Variants in LCOR observed in about 807,000 individuals in gnomAD.
LCOR encodes the protein ligand dependent nuclear receptor corepressor.
LCOR carries 14 observed loss-of-function variants against 64.4 expected under a neutral mutation model. The observed-to-expected ratio is 0.22, with a 90% CI of 0.14 to 0.34. LCOR has a LOEUF of 0.34. LCOR is among the 10% of genes least tolerant of loss of function. The probability of loss-of-function intolerance (pLI) is 1.00; values close to 1 mark genes in which losing one functional copy is unlikely to be tolerated. For synonymous variants in LCOR, 643 were observed against 642.5 expected, an observed-to-expected ratio of 1.00 and a Z score of -0.01; for missense variants, 1,686 against 1,765.3, an observed-to-expected ratio of 0.96 and a Z score of 0.80.
chr10:96,917,979 A>G (rs1372792040), intron 4 of LCOR, among the ~76,000 whole-genome samples: 1 of 152,176 alleles, frequency 6.6e-6, no homozygotes, highest in Admixed American at 6.5e-5. Flanking sequence ...GAGAGTGAAC[A>G]TTTAATTGGA....
chr10:96,976,007 C>T (rs1338046164), intron 7 of LCOR, among the ~76,000 whole-genome samples: 2 of 152,092 alleles, frequency 1.3e-5, no homozygotes, highest in African/African-American at 2.4e-5. Flanking sequence ...AACAGCGAAA[C>T]ACACAAGACC....
Position 96,877,996 on chromosome 10 carries a change from A to G in LCOR, c.-329-29269A>G, listed in dbSNP as rs189997021. 3.9e-4 allele frequency among the ~76,000 whole-genome samples: 59 copies of G among 152,328 alleles called. 1 individual carries two copies. In the East Asian group the frequency reaches 9.6e-3, roughly 25 times the overall value. On this transcript the variant is annotated intron_variant, in intron 2 of 7. Coordinates refer to ENST00000421806, the MANE Select transcript of LCOR (RefSeq NM_001346516.2). The stretch of plus-strand genomic sequence containing the variant: ...AAGGTAATCAAATAGTTAACAGTGG[A>G]AAGCTTTTCATTGAATAATTTAGTT...
chr10:96,868,395 T>C (rs1197779260), intron 2 of LCOR, among the ~76,000 whole-genome samples: 2 of 150,918 alleles, frequency 1.3e-5, no homozygotes, highest in African/African-American at 2.4e-5. Flanking sequence ...CTGCCTCAGC[T>C]TCCCGAGTAG....
chr10:96,956,789 C>A, intron 7 of LCOR: 12 of 985,776 alleles, frequency 1.2e-5, no homozygotes, highest in Non-Finnish European at 1.4e-5. Context: ...ATGGAGGATG[C>A]CTCATTTTAG....
chr10:96,872,405 G>A (rs1846086767), intron 2 of LCOR, among the ~76,000 whole-genome samples: 1 of 152,218 alleles, frequency 6.6e-6, no homozygotes, highest in Admixed American at 6.5e-5. Context: ...TACAAATAAA[G>A]GAGGAGGCTG....
rs186072556 is a variant in LCOR, at chr10:96,980,714, G to A, written c.333-79G>A. The stretch of plus-strand genomic sequence containing the variant: ...ATAAATAAATAATAAAATGAATAAC[G>A]TTGGGTGAATTTTATAATGTAAAAA... On this transcript the variant is annotated intron_variant, in intron 7 of 7. Transcript: ENST00000421806. The A allele has an allele frequency of 4.8e-5, 29 of 603,964 alleles. 1 individual carries two copies. The highest frequency in any genetic ancestry group is 4.1e-4 in the South Asian group (20 of 48,456). The allele number at this position is 603,964 out of a possible 1,614,324, so 37.4% of individuals were successfully genotyped here.
At chr10:96,957,565 A>T (rs564044660) in intron 7 of LCOR, 42 of 985,310 alleles carry the variant, frequency 4.3e-5, no homozygotes, top group Middle Eastern at 1.0e-3. Flanking sequence ...AACAAACATT[A>T]TTGGAGTTTC....
chr10:96,886,744 C>A (rs1421412076), intron 2 of LCOR, among the ~76,000 whole-genome samples: 2 of 152,186 alleles, frequency 1.3e-5, no homozygotes, highest in Non-Finnish European at 2.9e-5. Context: ...AACTCTACAT[C>A]TTTTCCTGAG....
At chr10:96,860,502 A>T (rs1589611535) in intron 2 of LCOR, among the ~76,000 whole-genome samples, 1 of 152,204 alleles carries the variant, frequency 6.6e-6, no homozygotes, top group East Asian at 1.9e-4. Context: ...TGGAGGGAGC[A>T]TGGCCATGCC....
chr10:96,981,534 G>T lies in LCOR; in HGVS notation c.1074G>T (p.Gly358=). Residue 358 remains glycine (G), a synonymous_variant, in exon 8 of 8, where the codon GGG becomes GGT. Transcript: ENST00000421806. Reference sequence around the variant, plus strand: ...AGGCTTGGAACTCAGGGTTTATGGGGAACTCATCTAGAACTGCTGACAAAG... The same window carrying T: ...AGGCTTGGAACTCAGGGTTTATGGGTAACTCATCTAGAACTGCTGACAAAG... ...SEEAWNSGFM[G]NSSRTADKEN... 1 of 1,614,178 alleles carries T rather than the reference G, an allele frequency of 6.2e-7. No homozygotes were observed. Among genetic ancestry groups the T allele is most frequent in the South Asian group, 1.1e-5 (1 of 91,078 alleles).
intron 2 of LCOR, among the ~76,000 whole-genome samples, chr10:96,891,147 C>A (rs573303689): frequency 4.7e-4 from 71 of 152,126 alleles, no homozygotes; most frequent in African/African-American, 1.4e-3. Flanking sequence ...ACCAATGAAG[C>A]CATATGGTCC....
At chr10:96,858,511 C>T (rs1226498699) in intron 2 of LCOR, among the ~76,000 whole-genome samples, 1 of 152,172 alleles carries the variant, frequency 6.6e-6, no homozygotes, top group Non-Finnish European at 1.5e-5. Context: ...ACAAACCAAC[C>T]ATAAATAATT....
intron 2 of LCOR, among the ~76,000 whole-genome samples, chr10:96,859,108 G>A (rs894152554): frequency 6.6e-6 from 1 of 151,998 alleles, no homozygotes; most frequent in African/African-American, 2.4e-5. Flanking sequence ...AGCATAAAAT[G>A]AGGTTCTAAC....
intron 4 of LCOR, among the ~76,000 whole-genome samples, chr10:96,917,259 G>A (rs1423142243): frequency 6.6e-6 from 1 of 152,230 alleles, no homozygotes; most frequent in Non-Finnish European, 1.5e-5. Context: ...TTTATTAAAT[G>A]TGTGGTTCTG....
chr10:96,920,592 ATATG>A (rs367916274), intron 4 of LCOR, among the ~76,000 whole-genome samples: 9 of 147,162 alleles, frequency 6.1e-5, no homozygotes, highest in Non-Finnish European at 8.9e-5. Flanking sequence ...ATATGTGTAT[ATATG>A]TATGTATATT....
intron 2 of LCOR, among the ~76,000 whole-genome samples, chr10:96,891,309 C>T (rs1003046793): frequency 6.6e-6 from 1 of 151,786 alleles, no homozygotes; most frequent in African/African-American, 2.4e-5. Flanking sequence ...TCATGGTATT[C>T]TCTTGTAATC....
At chr10:96,908,718 A>G (rs1846773242) in intron 4 of LCOR, among the ~76,000 whole-genome samples, 1 of 122,120 alleles carries the variant, frequency 8.2e-6, no homozygotes, top group Non-Finnish European at 1.9e-5. Flanking sequence ...TCTGCCGTAT[A>G]CACTCTTTTT....
At chr10:96,850,929 G>GCAAA (rs1253361456) in intron 2 of LCOR, among the ~76,000 whole-genome samples, 2 of 152,194 alleles carry the variant, frequency 1.3e-5, no homozygotes, top group Non-Finnish European at 2.9e-5. Context: ...TACAGCTGAT[G>GCAAA]CAAAGGCCCC....
intron 2 of LCOR, among the ~76,000 whole-genome samples, chr10:96,886,039 T>C (rs1846338082): frequency 6.6e-6 from 1 of 152,096 alleles, no homozygotes; most frequent in Non-Finnish European, 1.5e-5. Flanking sequence ...CACCATGTCC[T>C]GCTAATTTTT....
Sources: gnomAD v4.1 joint callset for allele counts (sites outside exome capture counted in the v4.1 genomes callset) on GRCh38, gnomAD v4.1.1 for gene constraint, MANE v1.5 for transcripts, NCBI Gene and HGNC (gene_info 2026-07-23, HGNC 2026-07-21) for gene names.